CCDC40: variants seen among roughly 807,000 people sequenced by gnomAD.
CCDC40 encodes the protein coiled-coil domain 40 molecular ruler complex subunit, also known as coiled-coil domain-containing protein 40.
In CCDC40, 104 loss-of-function variants were observed where a neutral mutation model predicts 124.5. The observed-to-expected ratio is 0.84, with a 90% CI of 0.71 to 0.98. CCDC40 has a LOEUF of 0.98. Ranked by LOEUF, CCDC40 falls within the 50% of genes least tolerant of loss-of-function variation. The probability of loss-of-function intolerance (pLI) is 0.00; values close to 1 mark genes in which losing one functional copy is unlikely to be tolerated. For missense variants in CCDC40, 1,463 were observed against 1,503.9 expected (o/e 0.97, Z 0.45); for synonymous variants, 580 against 602.9 (o/e 0.96, Z 0.56).
intron 3 of CCDC40, among the ~76,000 whole-genome samples, chr17:80,045,257 C>T (rs1003741742): frequency 2.0e-5 from 3 of 152,170 alleles, no homozygotes; most frequent in African/African-American, 7.2e-5. Flanking sequence ...TAGAACCTGA[C>T]TTGTGGGGTT....
At chr17:80,091,631 A>G (rs186712317) in intron 17 of CCDC40, among the ~76,000 whole-genome samples, 134 of 138,132 alleles carry the variant, frequency 9.7e-4, no homozygotes, top group Non-Finnish European at 1.6e-3. Context: ...TCAAATGCCA[A>G]TCATTTCCAG....
rs143804014 is a variant in CCDC40, at chr17:80,047,001, G to A, written c.553-278G>A. 6.0e-3 allele frequency among the ~76,000 whole-genome samples: 918 copies of A among 152,096 alleles called. 6 individuals carry two copies. The highest frequency in any genetic ancestry group is 0.031 in the Middle Eastern group (9 of 294). ...GCTGGGATTACAGGTGCCCGCCACCGCACCCAGCTAATTTTTGTATTTCTG... is the reference window on the plus strand; with the variant it reads ...GCTGGGATTACAGGTGCCCGCCACCACACCCAGCTAATTTTTGTATTTCTG... On this transcript the variant is annotated intron_variant, in intron 3 of 19. Transcript: ENST00000397545.
chr17:80,038,298 A>C lies in CCDC40; in HGVS notation c.93+112A>C. 4.2e-6 allele frequency: 3 copies of C among 709,378 alleles called. No homozygotes were observed. The South Asian group carries it at 4.4e-5, about 10-fold the overall frequency. 43.9% of individuals were successfully genotyped at this position (709,378 alleles called of 1,614,324 possible). On this transcript the variant is annotated intron_variant, in intron 2 of 19. Transcript: ENST00000397545. ...GTAATCCCAACACTTTGGGAGGCCA[A>C]GGCAGGTGGATCACATGAGGTTAGG...
intron 5 of CCDC40, 105 bp downstream of exon 5, chr17:80,048,866 A>G (rs1216504348): frequency 9.7e-7 from 1 of 1,027,094 alleles, no homozygotes; most frequent in Non-Finnish European, 1.5e-6. Flanking sequence ...TAAATGCTGT[A>G]CTTGTATCTC....
At chr17:80,085,714 C>T (rs2038572732) in intron 13 of CCDC40, among the ~76,000 whole-genome samples, 2 of 145,420 alleles carry the variant, frequency 1.4e-5, no homozygotes, top group Admixed American at 1.4e-4. Context: ...CTCTATTGCC[C>T]AGGCTGGAGT....
Position 80,047,532 on chromosome 17 carries a change from A to G in CCDC40, c.676+130A>G, listed in dbSNP as rs2037459626. The G allele has an allele frequency of 1.1e-5, 10 of 919,782 alleles. No individual in the cohort carries two copies. The East Asian group carries it at 2.7e-4, about 24-fold the overall frequency. 57.0% of individuals were successfully genotyped at this position (919,782 alleles called of 1,614,324 possible). On this transcript the variant is annotated intron_variant, in intron 4 of 19. Transcript: ENST00000397545. ...GAGTGGCTGTGAGCTGAAAGAGAAA[A>G]ATCTTATTAACAGATATGGATAACA...
chr17:80,047,151 T>C, intron 3 of CCDC40, 128 bp from the exon 4 acceptor site: 4 of 1,113,022 alleles, frequency 3.6e-6, no homozygotes, highest in Non-Finnish European at 5.3e-6. Flanking sequence ...CGGCCAGGTT[T>C]TTTAAAAAAC....
intron 17 of CCDC40, among the ~76,000 whole-genome samples, chr17:80,091,842 T>C (rs1319461188): frequency 6.6e-6 from 1 of 152,112 alleles, no homozygotes; most frequent in African/African-American, 2.4e-5. Context: ...AAATTCTGAC[T>C]GTAACAGCCT....
intron 17 of CCDC40, chr17:80,090,562 G>A (rs1416667238): frequency 4.6e-6 from 7 of 1,505,974 alleles, no homozygotes; most frequent in Non-Finnish European, 4.4e-6. Flanking sequence ...TTAAATGCCG[G>A]TTGTAACCCT....
At chr17:80,085,136 C>A in intron 13 of CCDC40, 148 bp downstream of exon 13, 1 of 1,086,148 alleles carries the variant, frequency 9.2e-7, no homozygotes, top group Non-Finnish European at 1.3e-6. Flanking sequence ...CAAAATGGCA[C>A]GTGTGCCAAG....
intron 1 of CCDC40, among the ~76,000 whole-genome samples, chr17:80,037,696 C>G (rs4889946): frequency 6.3e-5 from 6 of 94,748 alleles, no homozygotes; most frequent in African/African-American, 2.2e-4. Context: ...AAAAGATATA[C>G]ATATATATAT....
At position 80,047,407 on chromosome 17, in the gene CCDC40, C is replaced by T. The variant is rs776691453; in HGVS notation, c.676+5C>T. ...AGTTCGTCTCGCAGGAGCCAGGTGC[C>T]ACCCACCTGCTGAGGTCACCCTGCC... On this transcript the variant is annotated splice_donor_5th_base_variant and intron_variant, in intron 4 of 19. Transcript: ENST00000397545. 3.1e-6 allele frequency: 5 copies of T among 1,611,122 alleles called. No homozygotes were observed. In the South Asian group the frequency reaches 5.5e-5, roughly 18 times the overall value.
At position 80,088,071 on chromosome 17, in the gene CCDC40, G is replaced by A. The variant is rs375004715; in HGVS notation, c.2680G>A (p.Ala894Thr). 5.6e-6 allele frequency: 9 copies of A among 1,613,808 alleles called. No individual in the cohort carries two copies. The African/African-American group carries it at 8.0e-5, about 14-fold the overall frequency. Residue 894 changes from alanine (A) to threonine (T), a missense_variant, in exon 16 of 20, where the codon GCG (alanine) becomes ACG (threonine). Transcript: ENST00000397545. ...DKLNQLSEEK[A>T]TLLNQLVEAE... is the part of the protein sequence containing the mutation. ...GCTGAACCAGCTCAGCGAGGAGAAG[G>A]CGACCCTCCTGAATCAACTGGTGGA...
intron 3 of CCDC40, among the ~76,000 whole-genome samples, chr17:80,046,836 TTTTAAC>T (rs1328777017): frequency 3.9e-5 from 6 of 152,082 alleles, no homozygotes; most frequent in Non-Finnish European, 5.9e-5. Flanking sequence ...CCTGGCTCGA[TTTTAAC>T]TTTATTTATT....
At chr17:80,047,604 C>G in intron 4 of CCDC40, 2 of 614,864 alleles carry the variant, frequency 3.3e-6, no homozygotes, top group East Asian at 2.9e-5. Flanking sequence ...TAACAGTGAC[C>G]GATGAAGTAG....
chr17:80,093,213 C>T (rs2038750969), intron 17 of CCDC40, among the ~76,000 whole-genome samples: 3 of 152,220 alleles, frequency 2.0e-5, no homozygotes, highest in Admixed American at 2.0e-4. Context: ...GAGTCTTGCT[C>T]TGTTGTCCAG....
chr17:80,074,459 T>G (rs545289598), intron 10 of CCDC40, among the ~76,000 whole-genome samples: 1 of 152,168 alleles, frequency 6.6e-6, no homozygotes, highest in African/African-American at 2.4e-5. Context: ...CACTCCAGCC[T>G]GGGCAACAGA....
chr17:80,069,839 C>T (rs1311917239), intron 10 of CCDC40, among the ~76,000 whole-genome samples: 3 of 152,076 alleles, frequency 2.0e-5, no homozygotes, highest in Admixed American at 2.0e-4. Context: ...GAAAAGAAAA[C>T]TGAGGGCTTG....
intron 12 of CCDC40, 68 bp from the exon 13 acceptor site, chr17:80,084,675 G>C: frequency 6.3e-7 from 1 of 1,592,500 alleles, no homozygotes; most frequent in Non-Finnish European, 8.6e-7. Flanking sequence ...GGGAACGGTG[G>C]ATCAGCAAAC....
Sources: gnomAD v4.1 joint callset for allele counts (sites outside exome capture counted in the v4.1 genomes callset) on GRCh38, gnomAD v4.1.1 for gene constraint, MANE v1.5 for transcripts, NCBI Gene and HGNC (gene_info 2026-07-23, HGNC 2026-07-21) for gene names.